Variants in NBEAL1 observed in about 807,000 individuals in gnomAD.
NBEAL1 encodes the protein neurobeachin-like protein 1.
A neutral mutation model predicts 351.3 loss-of-function variants in NBEAL1; 273 were observed. The observed-to-expected ratio is 0.78, with a 90% CI of 0.70 to 0.86. The LOEUF (loss-of-function observed/expected upper bound fraction) is 0.86, where lower values mean the gene tolerates loss of function less well. Among genes scored for constraint, NBEAL1 ranks in the 40% least tolerant of loss-of-function variants. NBEAL1 has a pLI of 0.00. For synonymous variants in NBEAL1, 1,050 were observed against 1,086.4 expected, an observed-to-expected ratio of 0.97 and a Z score of 0.66; for missense variants, 2,961 against 3,201.3, an observed-to-expected ratio of 0.92 and a Z score of 1.81.
chr2:203,016,245 T>G lies in NBEAL1; in HGVS notation c.-140T>G. On this transcript the variant is annotated 5_prime_UTR_variant, in exon 2 of 56. Coordinates refer to ENST00000683969, the MANE Select transcript of NBEAL1 (RefSeq NM_001378026.1). Reference sequence around the variant, plus strand: ...TTGTTTTTAACCAGAGGACAGTCCATTTGTTTCACTTCTTTTTGCTTTCTT... The same window carrying G: ...TTGTTTTTAACCAGAGGACAGTCCAGTTGTTTCACTTCTTTTTGCTTTCTT... 1 of 477,114 alleles carries G rather than the reference T, an allele frequency of 2.1e-6. No homozygotes were observed. The highest frequency in any genetic ancestry group is 3.6e-6 in the Non-Finnish European group (1 of 276,708). 29.6% of individuals were successfully genotyped at this position (477,114 alleles called of 1,614,324 possible).
intron 10 of NBEAL1, among the ~76,000 whole-genome samples, chr2:203,097,102 G>A (rs1461047668): frequency 2.8e-4 from 43 of 152,264 alleles, no homozygotes; most frequent in Admixed American, 2.8e-3. Flanking sequence ...ATTGTGCAGG[G>A]AAACTTCCCT....
intron 34 of NBEAL1, 80 bp downstream of exon 34, chr2:203,149,228 C>A: frequency 2.1e-6 from 2 of 966,122 alleles, no homozygotes; most frequent in Non-Finnish European, 1.5e-6. Flanking sequence ...TGCCCCCTTT[C>A]ACTCCAATTT....
chr2:203,096,217 A>G (rs1255509957), intron 10 of NBEAL1, among the ~76,000 whole-genome samples: 18 of 152,246 alleles, frequency 1.2e-4, no homozygotes, highest in Non-Finnish European at 2.2e-4. Context: ...TCAGACAGCC[A>G]GTAAGCTGCA....
chr2:203,024,452 G>A (rs2060821986), intron 2 of NBEAL1, among the ~76,000 whole-genome samples: 1 of 151,600 alleles, frequency 6.6e-6, no homozygotes, highest in African/African-American at 2.4e-5. Flanking sequence ...CAGCTACTTA[G>A]GAGGCAAGAG....
intron 10 of NBEAL1, among the ~76,000 whole-genome samples, chr2:203,092,835 C>G (rs1647162845): frequency 6.6e-6 from 1 of 152,054 alleles, no homozygotes; most frequent in Non-Finnish European, 1.5e-5. Context: ...CACTTCACTG[C>G]AGTAAAGAAT....
chr2:203,129,948 G>A (rs2063035344), intron 24 of NBEAL1, among the ~76,000 whole-genome samples: 1 of 152,220 alleles, frequency 6.6e-6, no homozygotes, highest in Non-Finnish European at 1.5e-5. Flanking sequence ...GATCGCTTGA[G>A]CCGAGGAGTT....
intron 20 of NBEAL1, 28 bp from the exon 21 acceptor site, chr2:203,125,932 G>A: frequency 6.8e-7 from 1 of 1,473,722 alleles, no homozygotes; most frequent in Non-Finnish European, 9.0e-7. Flanking sequence ...GAGAAATTAT[G>A]ATAATTAATA....
intron 8 of NBEAL1, among the ~76,000 whole-genome samples, chr2:203,080,426 T>C (rs984199201): frequency 1.2e-4 from 18 of 152,156 alleles, no homozygotes; most frequent in African/African-American, 4.1e-4. Flanking sequence ...AAAAAGTTTC[T>C]TATCTGTTTG....
At chr2:203,104,684 A>G (rs1032144166) in intron 12 of NBEAL1, among the ~76,000 whole-genome samples, 2 of 152,092 alleles carry the variant, frequency 1.3e-5, no homozygotes, top group African/African-American at 4.8e-5. Context: ...GTGGCTGGTA[A>G]TGGTCTTTCC....
Position 203,180,412 on chromosome 2 carries a change from T to C in NBEAL1, c.6495T>C (p.Ser2165=). The change falls in exon 43 of 56, where the codon TCT becomes TCC. Residue 2165 remains serine (S), a synonymous_variant. Transcript: ENST00000683969. ...ACTGTGCAGATCGACAGTTCCATTC[T>C]ATTCCTGCTACCTGGCAAGCTCTTA... ...RFDCADRQFH[S]IPATWQALMD... 1 of 1,612,478 alleles carries C rather than the reference T, an allele frequency of 6.2e-7. No homozygotes were observed. The highest frequency in any genetic ancestry group is 8.5e-7 in the Non-Finnish European group (1 of 1,179,186).
At chr2:203,212,382 G>A (rs1363354047) in intron 54 of NBEAL1, among the ~76,000 whole-genome samples, 1 of 151,636 alleles carries the variant, frequency 6.6e-6, no homozygotes, top group African/African-American at 2.4e-5. Flanking sequence ...TGAGGTAGCT[G>A]GATCATTTGA....
At chr2:203,191,717 C>G (rs1012617560) in intron 46 of NBEAL1, among the ~76,000 whole-genome samples, 8 of 152,234 alleles carry the variant, frequency 5.3e-5, no homozygotes, top group African/African-American at 1.9e-4. Context: ...AATACTTTTT[C>G]TATGTTTACA....
Position 203,068,253 on chromosome 2 carries a change from A to T in NBEAL1, c.516-140A>T, listed in dbSNP as rs551953427. 20 of 439,892 alleles carry T rather than the reference A, an allele frequency of 4.5e-5. No homozygotes were observed. In the South Asian group the frequency reaches 1.5e-3, roughly 32 times the overall value. The allele number at this position is 439,892 out of a possible 1,614,324, so 27.2% of individuals were successfully genotyped here. A position where few individuals can be genotyped will look rare whatever the true frequency, so the allele number is the denominator to read the frequency against. On this transcript the variant is annotated intron_variant, in intron 6 of 55. Transcript: ENST00000683969. ...AGTTACTGGCTAGACTTCCTTTTCA[A>T]GATTATGCGGATCCTAGAGATACAT...
Position 203,222,408 on chromosome 2 carries a change from C to T in NBEAL1, c.*5054C>T, listed in dbSNP as rs1225237815. On this transcript the variant is annotated 3_prime_UTR_variant, in exon 56 of 56. Transcript: ENST00000683969. ...AAATTTTTCTGCATAGAAATTTGTC[C>T]ATTTATCTTTATATACCAGATCCAA... Among the ~76,000 whole-genome samples, 1 of 151,988 alleles carries T rather than the reference C, an allele frequency of 6.6e-6. No homozygotes were observed. The highest frequency in any genetic ancestry group is 1.5e-5 in the Non-Finnish European group (1 of 68,002).
intron 33 of NBEAL1, among the ~76,000 whole-genome samples, chr2:203,148,318 A>G (rs993024599): frequency 1.3e-5 from 2 of 152,118 alleles, no homozygotes; most frequent in Non-Finnish European, 2.9e-5. Flanking sequence ...TAAGAAAATT[A>G]GCTCAGAAAA....
chr2:203,133,509 T>A lies in NBEAL1; in HGVS notation c.3813+363T>A, dbSNP rs1308031071. Among the ~76,000 whole-genome samples the A allele has an allele frequency of 2.0e-5, 3 of 152,014 alleles. 1 individual carries two copies. Among genetic ancestry groups the A allele is most frequent in the Admixed American group, 2.0e-4 (3 of 15,254 alleles). On this transcript the variant is annotated intron_variant, in intron 27 of 55. Coordinates refer to ENST00000683969, the MANE Select transcript of NBEAL1 (RefSeq NM_001378026.1). ...ACTTTCTGGAAATAATTTTCTATAA[T>A]TTGTTTAGGAGTATTCCAACAATGA...
chr2:203,068,050 T>C (rs1416548391), intron 6 of NBEAL1, among the ~76,000 whole-genome samples: 1 of 152,226 alleles, frequency 6.6e-6, no homozygotes, highest in Admixed American at 6.5e-5. Context: ...TCAACTTTAC[T>C]GTAATAATAT....
intron 17 of NBEAL1, among the ~76,000 whole-genome samples, chr2:203,115,057 G>A (rs2062659306): frequency 6.6e-6 from 1 of 151,566 alleles, no homozygotes; most frequent in Non-Finnish European, 1.5e-5. Context: ...AGGCCTAAAT[G>A]ATCATTTTTA....
intron 2 of NBEAL1, among the ~76,000 whole-genome samples, chr2:203,024,953 A>G (rs552735848): frequency 2.1e-4 from 32 of 152,330 alleles, no homozygotes; most frequent in Middle Eastern, 6.8e-3. Flanking sequence ...TTAAAAATGC[A>G]AGTCCTTATA....
Sources: gnomAD v4.1 joint callset for allele counts (sites outside exome capture counted in the v4.1 genomes callset) on GRCh38, gnomAD v4.1.1 for gene constraint, MANE v1.5 for transcripts, NCBI Gene and HGNC (gene_info 2026-07-23, HGNC 2026-07-21) for gene names.